The following DGKB variants were observed in gnomAD, a reference collection of about 807,000 sequenced individuals.
DGKB encodes the protein 90 kDa diacylglycerol kinase.
In DGKB, 67 loss-of-function variants were observed where a neutral mutation model predicts 114.3. That is an observed-to-expected ratio of 0.59 (90% confidence interval 0.48 to 0.72). The LOEUF (loss-of-function observed/expected upper bound fraction) is 0.72, where lower values mean the gene tolerates loss of function less well. Among genes scored for constraint, DGKB ranks in the 30% least tolerant of loss-of-function variants. The pLI is 0.00. For missense variants in DGKB, 907 were observed against 975.2 expected, an observed-to-expected ratio of 0.93 and a Z score of 0.93; for synonymous variants, 398 against 323.1, an observed-to-expected ratio of 1.23 and a Z score of -2.49.
At chr7:14,157,997 C>T (rs1191732137) in intron 25 of DGKB, among the ~76,000 whole-genome samples, 1 of 152,036 alleles carries the variant, frequency 6.6e-6, no homozygotes, top group East Asian at 1.9e-4. Context: ...AGGACATAGA[C>T]CCAGGACATG....
chr7:14,973,822 A>C (rs2115317329), intron 1 of DGKB, among the ~76,000 whole-genome samples: 1 of 148,378 alleles, frequency 6.7e-6, no homozygotes, highest in Non-Finnish European at 1.5e-5. Flanking sequence ...GTGTATATAT[A>C]AATTACATAT....
At chr7:14,640,710 G>A (rs1811610182) in intron 13 of DGKB, among the ~76,000 whole-genome samples, 1 of 152,072 alleles carries the variant, frequency 6.6e-6, no homozygotes, top group African/African-American at 2.4e-5. Flanking sequence ...AGTTATATGT[G>A]ACTTAATTCT....
intron 2 of DGKB, among the ~76,000 whole-genome samples, chr7:14,820,585 C>G (rs900726836): frequency 6.6e-6 from 1 of 152,104 alleles, no homozygotes; most frequent in Non-Finnish European, 1.5e-5. Context: ...ATTAGCTAGG[C>G]TTATTGCAAA....
At chr7:14,259,382 T>TCC (rs1479176609) in intron 23 of DGKB, among the ~76,000 whole-genome samples, 1 of 80,694 alleles carries the variant, frequency 1.2e-5, no homozygotes, top group African/African-American at 4.8e-5. Context: ...GTAAAGTTTC[T>TCC]CTCTCTCTCT....
At chr7:14,718,894 A>T in intron 5 of DGKB, 1 of 481,190 alleles carries the variant, frequency 2.1e-6, no homozygotes, top group African/African-American at 2.0e-5. Flanking sequence ...ATCCACAGAC[A>T]TGGCACTGCC....
chr7:14,908,961 G>A (rs1432249606), intron 1 of DGKB, among the ~76,000 whole-genome samples: 1 of 152,160 alleles, frequency 6.6e-6, no homozygotes, highest in Non-Finnish European at 1.5e-5. Context: ...CTTGAAGTTA[G>A]TTTGAAAAAG....
intron 23 of DGKB, among the ~76,000 whole-genome samples, chr7:14,275,904 C>T (rs1038380036): frequency 3.3e-5 from 5 of 152,070 alleles, no homozygotes; most frequent in Non-Finnish European, 7.4e-5. Context: ...AGTAGGTGAG[C>T]GTTTAATTAA....
chr7:14,338,249 A>C (rs1371750344), intron 23 of DGKB, among the ~76,000 whole-genome samples: 1 of 152,066 alleles, frequency 6.6e-6, no homozygotes, highest in Non-Finnish European at 1.5e-5. Flanking sequence ...CTTCTATTTT[A>C]TTATCCATGA....
chr7:14,747,769 C>CCATG (rs1833518430), intron 4 of DGKB, among the ~76,000 whole-genome samples: 1 of 92,810 alleles, frequency 1.1e-5, no homozygotes, highest in Non-Finnish European at 2.1e-5. Context: ...TCAAACACAT[C>CCATG]CACGCGCACG....
rs946485428 is a variant in DGKB, at chr7:14,821,864, T to A, written c.70+19330A>T. On this transcript the variant is annotated intron_variant, in intron 2 of 25. Coordinates refer to ENST00000402815, the MANE Select transcript of DGKB (RefSeq NM_001350709.2). ...CCTGTGGTAGTTCAGGAAAGACTGG[T>A]GACTGAGCTTACAGTGGGAACAGCA... Among the ~76,000 whole-genome samples the A allele has an allele frequency of 6.6e-5, 10 of 152,274 alleles. No individual in the cohort carries two copies. The South Asian group carries it at 1.9e-3, about 28-fold the overall frequency.
At chr7:14,222,688 C>T (rs950118493) in intron 23 of DGKB, among the ~76,000 whole-genome samples, 3 of 151,436 alleles carry the variant, frequency 2.0e-5, no homozygotes, top group African/African-American at 7.3e-5. Context: ...CAGTGGTTCA[C>T]AGAGTTCCAA....
intron 20 of DGKB, among the ~76,000 whole-genome samples, chr7:14,543,634 T>C (rs1793834854): frequency 6.6e-6 from 1 of 152,192 alleles, no homozygotes; most frequent in Admixed American, 6.5e-5. Flanking sequence ...AATAGTAACT[T>C]GCTCACAGTA....
chr7:14,851,266 T>C (rs1849311270), intron 1 of DGKB, among the ~76,000 whole-genome samples: 1 of 152,182 alleles, frequency 6.6e-6, no homozygotes. Flanking sequence ...AAATCTTTGG[T>C]GATGCAAAAG....
At chr7:14,326,063 A>G (rs568316160) in intron 23 of DGKB, among the ~76,000 whole-genome samples, 221 of 143,378 alleles carry the variant, frequency 1.5e-3, no homozygotes, top group Non-Finnish European at 2.7e-3. Context: ...TAGGTCACAG[A>G]TTTCTTTTTT....
intron 1 of DGKB, among the ~76,000 whole-genome samples, chr7:14,958,961 C>T (rs1786681076): frequency 1.3e-5 from 2 of 152,006 alleles, no homozygotes; most frequent in South Asian, 2.1e-4. Flanking sequence ...AAAAAGCTAA[C>T]CACATGATTC....
At chr7:14,530,890 A>C (rs1479533508) in intron 20 of DGKB, among the ~76,000 whole-genome samples, 1 of 151,596 alleles carries the variant, frequency 6.6e-6, no homozygotes, top group African/African-American at 2.4e-5. Flanking sequence ...TATCTAGGCT[A>C]TTTTCTTTAC....
intron 2 of DGKB, among the ~76,000 whole-genome samples, chr7:14,757,995 T>C (rs953728503): frequency 7.9e-5 from 12 of 152,068 alleles, no homozygotes; most frequent in Admixed American, 2.6e-4. Flanking sequence ...CAATGGTGAA[T>C]CCATTTAGAG....
At chr7:14,655,816 G>A (rs1815668143) in intron 13 of DGKB, among the ~76,000 whole-genome samples, 1 of 151,564 alleles carries the variant, frequency 6.6e-6, no homozygotes, top group Admixed American at 6.6e-5. Context: ...TTATATATGG[G>A]ATCTAAAAAA....
intron 2 of DGKB, among the ~76,000 whole-genome samples, chr7:14,821,529 A>T (rs914606569): frequency 6.6e-6 from 1 of 152,164 alleles, no homozygotes; most frequent in African/African-American, 2.4e-5. Flanking sequence ...AAGCTTGGGA[A>T]AAATAAAAAT....
Sources: gnomAD v4.1 joint callset for allele counts (sites outside exome capture counted in the v4.1 genomes callset) on GRCh38, gnomAD v4.1.1 for gene constraint, MANE v1.5 for transcripts, NCBI Gene and HGNC (gene_info 2026-07-23, HGNC 2026-07-21) for gene names.